The following SCFD2 variants were observed in gnomAD, a reference collection of about 807,000 sequenced individuals.
SCFD2 encodes sec1 family domain-containing protein 2.
Under a neutral mutation model 58.9 loss-of-function variants are expected in SCFD2, and 54 were observed. That is an observed-to-expected ratio of 0.92 (90% confidence interval 0.74 to 1.15). SCFD2 has a LOEUF of 1.15. Among genes scored for constraint, SCFD2 ranks in the 50% most tolerant of loss-of-function variants. The pLI is 0.00. For missense variants in SCFD2, 805 were observed against 836.6 expected (o/e 0.96, Z 0.47); for synonymous variants, 321 against 335.9 (o/e 0.96, Z 0.49).
chr4:52,954,154 T>C (rs1720660203), intron 5 of SCFD2, among the ~76,000 whole-genome samples: 1 of 152,194 alleles, frequency 6.6e-6, no homozygotes, highest in African/African-American at 2.4e-5. Flanking sequence ...CCACATCCAT[T>C]TTCCATTCTT....
At chr4:53,088,297 T>C (rs1234207585) in intron 5 of SCFD2, among the ~76,000 whole-genome samples, 1 of 152,160 alleles carries the variant, frequency 6.6e-6, no homozygotes, top group Non-Finnish European at 1.5e-5. Flanking sequence ...AAGACCATCA[T>C]TGCACAATCA....
At chr4:53,179,722 C>A (rs1370232927) in intron 4 of SCFD2, among the ~76,000 whole-genome samples, 4 of 152,094 alleles carry the variant, frequency 2.6e-5, no homozygotes, top group Admixed American at 2.6e-4. Flanking sequence ...GATCAAGAGT[C>A]AAGACCCATC....
In SCFD2 at chr4:53,097,964, T is replaced by C. The variant is rs562582237; in HGVS notation, c.1561+47369A>G. Among the ~76,000 whole-genome samples the C allele has an allele frequency of 3.3e-5, 5 of 152,330 alleles. 1 individual carries two copies. In the South Asian group the frequency reaches 1.0e-3, roughly 32 times the overall value. ...TTGTCAAAGGCCTTTTCTGCATCTA[T>C]TGAGATAATCATGTGGCTTTTGTCT... On this transcript the variant is annotated intron_variant, in intron 5 of 8. Transcript: ENST00000401642.
At chr4:53,300,471 GAGACTT>G (rs1056531241) in intron 3 of SCFD2, among the ~76,000 whole-genome samples, 10 of 152,134 alleles carry the variant, frequency 6.6e-5, no homozygotes, top group African/African-American at 1.9e-4. Flanking sequence ...GACCTACAAA[GAGACTT>G]AGACTCCCAC....
intron 5 of SCFD2, among the ~76,000 whole-genome samples, chr4:53,039,662 A>G (rs1351110406): frequency 1.3e-5 from 2 of 152,198 alleles, no homozygotes; most frequent in Non-Finnish European, 2.9e-5. Context: ...CAGTAGCCTT[A>G]GTATAGCTAC....
intron 3 of SCFD2, among the ~76,000 whole-genome samples, chr4:53,300,645 C>T (rs545343773): frequency 2.0e-5 from 3 of 152,288 alleles, no homozygotes; most frequent in African/African-American, 7.2e-5. Flanking sequence ...ACAGAATATA[C>T]ATTCTTTTCA....
intron 2 of SCFD2, among the ~76,000 whole-genome samples, chr4:53,316,905 T>A (rs1199436058): frequency 5.3e-5 from 8 of 152,012 alleles, no homozygotes; most frequent in Admixed American, 1.3e-4. Flanking sequence ...GTCAGGAGTT[T>A]GAAACCAGCC....
chr4:53,150,649 C>T (rs1421213496), intron 4 of SCFD2, among the ~76,000 whole-genome samples: 1 of 152,116 alleles, frequency 6.6e-6, no homozygotes, highest in Non-Finnish European at 1.5e-5. Flanking sequence ...CAGGCTGTAC[C>T]AATTACTAGC....
At chr4:53,174,760 C>A (rs915554781) in intron 4 of SCFD2, among the ~76,000 whole-genome samples, 4 of 152,136 alleles carry the variant, frequency 2.6e-5, no homozygotes, top group Non-Finnish European at 5.9e-5. Flanking sequence ...AGTAAATTCA[C>A]GACAAAGTGG....
chr4:52,882,072 GT>G (rs981168991), intron 8 of SCFD2, among the ~76,000 whole-genome samples: 41 of 152,076 alleles, frequency 2.7e-4, no homozygotes, highest in Admixed American at 1.6e-3. Context: ...CCACACCAAG[GT>G]TTGGCTTTTG....
At chr4:53,012,807 C>T (rs1405732679) in intron 5 of SCFD2, among the ~76,000 whole-genome samples, 1 of 138,210 alleles carries the variant, frequency 7.2e-6, no homozygotes, top group Non-Finnish European at 1.5e-5. Flanking sequence ...TCCCTCTCCC[C>T]TCCTTTCTGT....
At chr4:53,179,696 A>G (rs1727474986) in intron 4 of SCFD2, among the ~76,000 whole-genome samples, 1 of 152,182 alleles carries the variant, frequency 6.6e-6, no homozygotes, top group African/African-American at 2.4e-5. Context: ...ATTAAAAGAC[A>G]CAGACTGGCA....
At position 53,156,404 on chromosome 4, in the gene SCFD2, A is replaced by AC. The variant is rs1422770514; in HGVS notation, c.1312-10823_1312-10822insG. On this transcript the variant is annotated intron_variant, in intron 4 of 8. Coordinates refer to ENST00000401642, the MANE Select transcript of SCFD2 (RefSeq NM_152540.4). ...GACAGAGTGAGACTCAACTCAAAAAAAAAAAAAAAAGAAAAGAAAAAAGAG... is the reference window on the plus strand; with the variant it reads ...GACAGAGTGAGACTCAACTCAAAAAACAAAAAAAAAAGAAAAGAAAAAAGAG... Among the ~76,000 whole-genome samples, 94 of 150,442 alleles carry AC rather than the reference A, an allele frequency of 6.2e-4. 2 individuals are homozygous for AC. The highest frequency in any genetic ancestry group is 1.8e-4 in the Non-Finnish European group (12 of 67,628).
intron 5 of SCFD2, among the ~76,000 whole-genome samples, chr4:53,079,052 A>G (rs1406723933): frequency 6.6e-6 from 1 of 152,188 alleles, no homozygotes; most frequent in Non-Finnish European, 1.5e-5. Context: ...ATAACTATAG[A>G]GGTTGAGAGG....
rs1469371968 is a variant in SCFD2, at chr4:52,990,148, A to G, written c.1562-69278T>C. Among the ~76,000 whole-genome samples the G allele has an allele frequency of 3.3e-5, 5 of 152,354 alleles. No homozygotes were observed. In the East Asian group the frequency reaches 9.6e-4, roughly 29 times the overall value. On this transcript the variant is annotated intron_variant, in intron 5 of 8. Transcript: ENST00000401642. Reference sequence around the variant, plus strand: ...AGAAGGAGTGCTGAAGCAGGGGTCAAAAATGAAAGAGACATCTCACATGAT... The same window carrying G: ...AGAAGGAGTGCTGAAGCAGGGGTCAGAAATGAAAGAGACATCTCACATGAT...
Position 53,139,272 on chromosome 4 carries a change from A to G in SCFD2, c.1561+6061T>C, listed in dbSNP as rs531347035. Among the ~76,000 whole-genome samples the G allele has an allele frequency of 4.6e-5, 7 of 152,006 alleles. No homozygotes were observed. In the South Asian group the frequency reaches 1.5e-3, roughly 32 times the overall value. ...GGCCTCCCAAAGTGCCGAGATTGCA[A>G]CCTCTGCCCGGCCGCCACCCCGCCC... On this transcript the variant is annotated intron_variant, in intron 5 of 8. Coordinates refer to ENST00000401642, the MANE Select transcript of SCFD2 (RefSeq NM_152540.4).
chr4:53,003,105 C>T (rs140673859), intron 5 of SCFD2, among the ~76,000 whole-genome samples: 2 of 152,232 alleles, frequency 1.3e-5, no homozygotes, highest in Admixed American at 6.5e-5. Context: ...ACCACCAACA[C>T]GGGATTACAA....
Position 53,005,845 on chromosome 4 carries a change from A to G in SCFD2, c.1562-84975T>C, listed in dbSNP as rs115465844. 5.5e-3 allele frequency among the ~76,000 whole-genome samples: 835 copies of G among 152,308 alleles called. 3 individuals carry two copies. The highest frequency in any genetic ancestry group is 0.017 in the Middle Eastern group (5 of 294). On this transcript the variant is annotated intron_variant, in intron 5 of 8. Transcript: ENST00000401642. ...CTTGAGTGTGCATTCACAAAAGTAA[A>G]GCCGACATTCACCAACAGGGTTTTC...
At chr4:52,959,437 G>A (rs1214050029) in intron 5 of SCFD2, among the ~76,000 whole-genome samples, 1 of 152,106 alleles carries the variant, frequency 6.6e-6, no homozygotes, top group African/African-American at 2.4e-5. Context: ...AAGAACCCCA[G>A]GTGATTCTTA....
Sources: gnomAD v4.1 joint callset for allele counts (sites outside exome capture counted in the v4.1 genomes callset) on GRCh38, gnomAD v4.1.1 for gene constraint, MANE v1.5 for transcripts, NCBI Gene and HGNC (gene_info 2026-07-23, HGNC 2026-07-21) for gene names.